CYP4V2: variants seen among roughly 807,000 people sequenced by gnomAD.
CYP4V2 encodes cytochrome P450 4V2.
A neutral mutation model predicts 60.8 loss-of-function variants in CYP4V2; 55 were observed. The ratio of observed to expected loss-of-function variants is 0.90; its 90% confidence interval spans 0.73 to 1.13. CYP4V2 has a LOEUF of 1.13. Among genes scored for constraint, CYP4V2 ranks in the 50% most tolerant of loss-of-function variants. CYP4V2 has a pLI of 0.00. For missense variants in CYP4V2, 675 were observed against 662.9 expected, an observed-to-expected ratio of 1.02 and a Z score of -0.20; for synonymous variants, 239 against 236.8, an observed-to-expected ratio of 1.01 and a Z score of -0.08.
At position 186,201,231 on chromosome 4, in the gene CYP4V2, CA is replaced by C. The variant is rs1736297380; in HGVS notation, c.881del (p.Asn294IlefsTer11). On this transcript the variant is annotated frameshift_variant, in exon 7 of 11. Coordinates refer to ENST00000378802, the MANE Select transcript of CYP4V2 (RefSeq NM_207352.4). LOFTEE classifies it high-confidence loss of function. Reference sequence around the variant, plus strand: ...GTGATGGCAGGGGCTCTGCCCCCTCCAAAAATAAACGCAGGGCCTTTCTTGA... The same window carrying C: ...GTGATGGCAGGGGCTCTGCCCCCTCCAAAATAAACGCAGGGCCTTTCTTGA... ...RGDGRGSAPSKNKRRAFLDLL... is the reference protein window; with the variant it reads ...RGDGRGSAPSXNKRRAFLDLL... The C allele has an allele frequency of 6.2e-7, 1 of 1,614,006 alleles. No homozygotes were observed. The highest frequency in any genetic ancestry group is 1.7e-5 in the Admixed American group (1 of 59,994).
At position 186,191,718 on chromosome 4, in the gene CYP4V2, A is replaced by T; in HGVS notation, c.-106A>T. 3 of 1,097,158 alleles carry T rather than the reference A, an allele frequency of 2.7e-6. No individual in the cohort carries two copies. Among genetic ancestry groups the T allele is most frequent in the South Asian group, 3.2e-5 (1 of 30,920 alleles). The allele number at this position is 1,097,158 out of a possible 1,614,324, so 68.0% of individuals were successfully genotyped here. A position where few individuals can be genotyped will look rare whatever the true frequency, so the allele number is the denominator to read the frequency against. ...GCGACCCCGCAGCGGGGAGCGCGCC[A>T]GGTCCGCGCGGGGAAGTGGGCGGTG... On this transcript the variant is annotated 5_prime_UTR_variant, in exon 1 of 11. Coordinates refer to ENST00000378802, the MANE Select transcript of CYP4V2 (RefSeq NM_207352.4).
intron 5 of CYP4V2, among the ~76,000 whole-genome samples, chr4:186,197,872 AAAG>A (rs1334675473): frequency 4.6e-5 from 7 of 152,228 alleles, no homozygotes; most frequent in African/African-American, 1.4e-4. Context: ...GATGCTGAGA[AAAG>A]AAAGATATAA....
rs770459499 is a variant in CYP4V2 at position 186,194,631 on chromosome 4, G to C, written c.327+19G>C. ...TGTGGAGGTGGGTACATGTGAATAT[G>C]ATCAGTATTGTACTGTGTATCTGAC... On this transcript the variant is annotated intron_variant, in intron 2 of 10. Transcript: ENST00000378802. 4 of 1,578,660 alleles carry C rather than the reference G, an allele frequency of 2.5e-6. No homozygotes were observed. In the South Asian group the frequency reaches 4.4e-5, roughly 18 times the overall value.
rs187025073 is a variant in CYP4V2, at chr4:186,197,613, T to A, written c.674+11T>A. 2.5e-6 allele frequency: 4 copies of A among 1,612,796 alleles called. No individual in the cohort carries two copies. In the African/African-American group the frequency reaches 5.3e-5, roughly 22 times the overall value. ...CCGTGCAGTTTATAGGTAAATGGAG[T>A]CCTTTCAGTTATTTTAACAATTATT... On this transcript the variant is annotated intron_variant, in intron 5 of 10. Coordinates refer to ENST00000378802, the MANE Select transcript of CYP4V2 (RefSeq NM_207352.4).
In CYP4V2 at chr4:186,197,648, G is replaced by T. The variant is rs372884044; in HGVS notation, c.674+46G>T. ...TATTTTAACAATTATTATTGATTTA[G>T]GCTTTAAAAATTATTGCTAACAATT... On this transcript the variant is annotated intron_variant, in intron 5 of 10. Coordinates refer to ENST00000378802, the MANE Select transcript of CYP4V2 (RefSeq NM_207352.4). The T allele has an allele frequency of 2.1e-5, 33 of 1,592,082 alleles. No individual in the cohort carries two copies. In the African/African-American group the frequency reaches 4.4e-4, roughly 21 times the overall value.
rs1314703539 is a variant in CYP4V2, at chr4:186,211,741, C to T, written c.*1100C>T. The T allele has an allele frequency of 2.0e-5, 3 of 150,388 alleles. No individual in the cohort carries two copies. The East Asian group carries it at 5.8e-4, about 29-fold the overall frequency. The allele number at this position is 150,388 out of a possible 1,614,324, so 9.3% of individuals were successfully genotyped here. ...AAGAGGTGAGTATGTACTCTGACTTCAGCTCTCAGGTTTTAAAAATTATAT... is the reference window on the plus strand; with the variant it reads ...AAGAGGTGAGTATGTACTCTGACTTTAGCTCTCAGGTTTTAAAAATTATAT... On this transcript the variant is annotated 3_prime_UTR_variant, in exon 11 of 11. Transcript: ENST00000378802.
chr4:186,207,655 A>G (rs970582558), intron 8 of CYP4V2, among the ~76,000 whole-genome samples: 5 of 151,288 alleles, frequency 3.3e-5, no homozygotes, highest in African/African-American at 1.2e-4. Flanking sequence ...GTCACATAAC[A>G]TAAAATCTAC....
At chr4:186,210,230 T>C (rs9995366) in intron 10 of CYP4V2, among the ~76,000 whole-genome samples, 124,806 of 152,098 alleles carry the variant, frequency 0.82, 52,124 homozygotes, top group East Asian at 0.94. Context: ...GAGCTCAGGA[T>C]TTATCTGGAT....
In CYP4V2 at chr4:186,209,107, C is replaced by A; in HGVS notation, c.1240C>A (p.Leu414Ile). The A allele has an allele frequency of 1.2e-6, 2 of 1,614,156 alleles. No individual in the cohort carries two copies. The highest frequency in any genetic ancestry group is 1.3e-5 in the African/African-American group (1 of 75,032). ...EDCEVAGYRV[L>I]KGTEAVIIPY... ...CTTCTTGACAGCAGGTTACAGAGTT[C>A]TAAAAGGCACTGAAGCCGTCATCAT... The change falls in exon 10 of 11, where the codon CTA (leucine) becomes ATA (isoleucine). Residue 414 changes from leucine (L) to isoleucine (I), a missense_variant. Leu to Ile is a conservative substitution (Grantham distance 5). Transcript: ENST00000378802.
chr4:186,202,628 ACT>A (rs1404858099), intron 7 of CYP4V2: 1 of 151,212 alleles, frequency 6.6e-6, no homozygotes, highest in African/African-American at 2.5e-5. Flanking sequence ...ACATGCACAC[ACT>A]TACACACACA....
intron 8 of CYP4V2, 141 bp from the exon 9 acceptor site, chr4:186,208,724 C>G (rs1736606799): frequency 3.3e-6 from 4 of 1,206,474 alleles, no homozygotes; most frequent in Admixed American, 3.4e-5. Flanking sequence ...GCATCCCCTG[C>G]CTTGATCCAC....
At position 186,196,068 on chromosome 4, in the gene CYP4V2, T is replaced by C. The variant is rs1192960841; in HGVS notation, c.393T>C (p.Leu131=). Residue 131 remains leucine (L), a synonymous_variant, in exon 3 of 11, where the codon CTT becomes CTC. Transcript: ENST00000378802. ...TGTACAAGTTTTTAGAACCATGGCT[T>C]GGCCTAGGACTTCTTACAAGGTATG... ...SSMYKFLEPW[L]GLGLLTSTGN... The C allele has an allele frequency of 2.5e-6, 4 of 1,613,970 alleles. No homozygotes were observed. In the African/African-American group the frequency reaches 5.3e-5, roughly 22 times the overall value.
chr4:186,199,732 T>C (rs1736254920), intron 6 of CYP4V2, among the ~76,000 whole-genome samples: 1 of 152,210 alleles, frequency 6.6e-6, no homozygotes, highest in Admixed American at 6.5e-5. Context: ...AATTCAAAAA[T>C]AACCAGAAGA....
chr4:186,213,144 A>C lies in CYP4V2; in HGVS notation c.*2503A>C, dbSNP rs1736783874. ...TGGCTTGAGAATGTCTTTCAGCTCC[A>C]GAATTATTGTTACTCATATTTTAAT... On this transcript the variant is annotated 3_prime_UTR_variant, in exon 11 of 11. Coordinates refer to ENST00000378802, the MANE Select transcript of CYP4V2 (RefSeq NM_207352.4). 1 of 152,190 alleles carries C rather than the reference A, an allele frequency of 6.6e-6. No individual in the cohort carries two copies. Among genetic ancestry groups the C allele is most frequent in the Non-Finnish European group, 1.5e-5 (1 of 68,042 alleles). 9.4% of individuals were successfully genotyped at this position (152,190 alleles called of 1,614,324 possible).
Position 186,209,276 on chromosome 4 carries a change from T to C in CYP4V2, c.1405+4T>C, listed in dbSNP as rs1207967774. Reference sequence around the variant, plus strand: ...GCTGGCCCCAGGAACTGTATAGGTTTGTATCCATCTGAATTGGTTTGACCT... The same window carrying C: ...GCTGGCCCCAGGAACTGTATAGGTTCGTATCCATCTGAATTGGTTTGACCT... On this transcript the variant is annotated splice_donor_region_variant and intron_variant, in intron 10 of 10. Coordinates refer to ENST00000378802, the MANE Select transcript of CYP4V2 (RefSeq NM_207352.4). The C allele has an allele frequency of 6.2e-7, 1 of 1,613,874 alleles. No homozygotes were observed. The highest frequency in any genetic ancestry group is 8.5e-7 in the Non-Finnish European group (1 of 1,180,014).
At chr4:186,209,853 C>T (rs28701717) in intron 10 of CYP4V2, among the ~76,000 whole-genome samples, 10,500 of 152,190 alleles carry the variant, frequency 0.069, 1,223 homozygotes, top group African/African-American at 0.24. Flanking sequence ...GGTAGAGTTT[C>T]AAAATGTTGT....
intron 10 of CYP4V2, among the ~76,000 whole-genome samples, chr4:186,209,815 C>T (rs968576361): frequency 5.9e-5 from 9 of 152,118 alleles, no homozygotes; most frequent in Non-Finnish European, 8.8e-5. Flanking sequence ...ACACAATTAC[C>T]CATAACATAA....
At chr4:186,200,382 T>C (rs1037230896) in intron 6 of CYP4V2, among the ~76,000 whole-genome samples, 3 of 152,198 alleles carry the variant, frequency 2.0e-5, no homozygotes, top group African/African-American at 7.2e-5. Context: ...ATTTGTTAAA[T>C]GCCAAGCAGT....
chr4:186,196,481 G>A (rs996548724), intron 3 of CYP4V2: 1 of 315,192 alleles, frequency 3.2e-6, no homozygotes, highest in Non-Finnish European at 6.0e-6. Context: ...TAGAAACAGG[G>A]CTCCATCCTC....
Sources: gnomAD v4.1 joint callset for allele counts (sites outside exome capture counted in the v4.1 genomes callset) on GRCh38, gnomAD v4.1.1 for gene constraint, MANE v1.5 for transcripts, NCBI Gene and HGNC (gene_info 2026-07-23, HGNC 2026-07-21) for gene names.